The following INTS9 variants were observed in gnomAD, a reference collection of about 807,000 sequenced individuals.
INTS9 encodes the protein integrator complex subunit 9, also known as protein related to CPSF subunits of 74 kDa.
A neutral mutation model predicts 79.7 loss-of-function variants in INTS9; 55 were observed. The observed-to-expected ratio is 0.69, with a 90% confidence interval of 0.56 to 0.86. The LOEUF (loss-of-function observed/expected upper bound fraction) is 0.86. INTS9 is among the 40% of genes least tolerant of loss of function. The pLI is 0.00. For synonymous variants in INTS9, 319 were observed against 325.2 expected (o/e 0.98, Z 0.20); for missense variants, 721 against 831.5 (o/e 0.87, Z 1.64).
intron 2 of INTS9, among the ~76,000 whole-genome samples, chr8:28,855,246 A>G (rs1353085660): frequency 2.0e-5 from 3 of 152,256 alleles, no homozygotes; most frequent in African/African-American, 7.2e-5. Flanking sequence ...TATTTAATAG[A>G]AGGAAACAAA....
intron 4 of INTS9, among the ~76,000 whole-genome samples, chr8:28,839,538 C>G (rs569839589): frequency 2.0e-5 from 3 of 152,350 alleles, no homozygotes; most frequent in East Asian, 3.8e-4. Flanking sequence ...TGACTTCAAA[C>G]TATCCTACAA....
At chr8:28,804,501 T>C (rs1300488635) in intron 8 of INTS9, among the ~76,000 whole-genome samples, 2 of 140,848 alleles carry the variant, frequency 1.4e-5, no homozygotes, top group African/African-American at 5.2e-5. Flanking sequence ...GCCAGAACAG[T>C]GGGATGAAGG....
intron 1 of INTS9, among the ~76,000 whole-genome samples, chr8:28,886,412 T>C (rs1444905459): frequency 6.6e-6 from 1 of 152,040 alleles, no homozygotes; most frequent in Non-Finnish European, 1.5e-5. Flanking sequence ...GACGCTCAGC[T>C]AGTTTTTGTA....
At chr8:28,834,864 A>T (rs1806710629) in intron 6 of INTS9, among the ~76,000 whole-genome samples, 1 of 152,026 alleles carries the variant, frequency 6.6e-6, no homozygotes, top group South Asian at 2.1e-4. Flanking sequence ...TTTCATAGAG[A>T]CGGGGTTTCT....
chr8:28,812,067 C>T (rs538628207), intron 8 of INTS9, among the ~76,000 whole-genome samples: 34 of 152,342 alleles, frequency 2.2e-4, no homozygotes, highest in Middle Eastern at 3.4e-3. Context: ...GCATAACCAT[C>T]TGTGTCCCAC....
intron 1 of INTS9, among the ~76,000 whole-genome samples, chr8:28,864,721 C>A (rs913081106): frequency 6.6e-6 from 1 of 152,078 alleles, no homozygotes; most frequent in Non-Finnish European, 1.5e-5. Context: ...GATATGGAAT[C>A]CTGTTGTACA....
At chr8:28,860,402 C>T (rs564102697) in intron 1 of INTS9, among the ~76,000 whole-genome samples, 1 of 152,100 alleles carries the variant, frequency 6.6e-6, no homozygotes, top group South Asian at 2.1e-4. Flanking sequence ...ACTTTTAAAG[C>T]CCTCCCTTGA....
chr8:28,838,250 T>C (rs974025208), intron 4 of INTS9, among the ~76,000 whole-genome samples: 1 of 152,028 alleles, frequency 6.6e-6, no homozygotes, highest in Admixed American at 6.5e-5. Context: ...TTTTGCTTTT[T>C]TTTTTCTTTT....
chr8:28,883,106 A>C (rs576893130), intron 1 of INTS9, among the ~76,000 whole-genome samples: 1 of 152,052 alleles, frequency 6.6e-6, no homozygotes, highest in East Asian at 1.9e-4. Flanking sequence ...GCTTCCTCTC[A>C]CTGGCCTTCC....
At chr8:28,783,108 G>GTTTT (rs1803390301) in intron 11 of INTS9, among the ~76,000 whole-genome samples, 1 of 137,616 alleles carries the variant, frequency 7.3e-6, no homozygotes, top group East Asian at 2.3e-4. Flanking sequence ...TGGCGCCACT[G>GTTTT]CACTCCAGCC....
At chr8:28,881,237 G>A (rs1393012439) in intron 1 of INTS9, among the ~76,000 whole-genome samples, 9 of 149,462 alleles carry the variant, frequency 6.0e-5, no homozygotes, top group Admixed American at 6.0e-4. Flanking sequence ...CAGTCGCCCC[G>A]TCCAGGAGGG....
chr8:28,820,410 T>G (rs543546021), intron 6 of INTS9, among the ~76,000 whole-genome samples: 2 of 152,332 alleles, frequency 1.3e-5, no homozygotes, highest in South Asian at 4.1e-4. Context: ...TTTGGCTGGA[T>G]ATGAAATTCT....
intron 11 of INTS9, among the ~76,000 whole-genome samples, chr8:28,784,507 C>T (rs1803473039): frequency 6.6e-6 from 1 of 152,194 alleles, no homozygotes; most frequent in African/African-American, 2.4e-5. Flanking sequence ...TCTTCAAAAC[C>T]TTCTACTTGG....
intron 6 of INTS9, among the ~76,000 whole-genome samples, chr8:28,832,690 G>A (rs573770990): frequency 6.6e-6 from 1 of 152,314 alleles, no homozygotes; most frequent in East Asian, 1.9e-4. Context: ...CTGCCTGGGT[G>A]TGGTGGCTCA....
In INTS9 at chr8:28,814,238, C is replaced by T. The variant is rs141782670; in HGVS notation, c.489-626G>A. On this transcript the variant is annotated intron_variant, in intron 6 of 16. Coordinates refer to ENST00000521022, the MANE Select transcript of INTS9 (RefSeq NM_018250.4). ...GTACTGGGGTGAAATGAATGCATGCCATTAGCCTCTCCTCTCTCTCCTGAA... is the reference window on the plus strand; with the variant it reads ...GTACTGGGGTGAAATGAATGCATGCTATTAGCCTCTCCTCTCTCTCCTGAA... 6.5e-3 allele frequency among the ~76,000 whole-genome samples: 970 copies of T among 150,356 alleles called. 9 individuals carry two copies. Among genetic ancestry groups the T allele is most frequent in the Non-Finnish European group, 0.011 (757 of 67,732 alleles).
chr8:28,867,391 C>T (rs1428163873), intron 1 of INTS9, among the ~76,000 whole-genome samples: 5 of 151,880 alleles, frequency 3.3e-5, no homozygotes, highest in Non-Finnish European at 7.4e-5. Context: ...TGGACTCCAG[C>T]CTAGGTGACA....
chr8:28,784,261 G>A (rs1803459415), intron 11 of INTS9, among the ~76,000 whole-genome samples: 1 of 152,222 alleles, frequency 6.6e-6, no homozygotes, highest in African/African-American at 2.4e-5. Flanking sequence ...TTTGTGACAG[G>A]TGTGTGAGTG....
intron 1 of INTS9, among the ~76,000 whole-genome samples, chr8:28,889,510 C>A (rs1047142082): frequency 1.3e-5 from 2 of 152,144 alleles, no homozygotes; most frequent in Admixed American, 1.3e-4. Flanking sequence ...GATACTCAAG[C>A]GCCAATCGAA....
At chr8:28,775,713 C>G (rs531180984) in intron 14 of INTS9, 46 bp downstream of exon 14, 1 of 1,592,200 alleles carries the variant, frequency 6.3e-7, no homozygotes, top group Non-Finnish European at 8.6e-7. Flanking sequence ...CTCCAAGAGC[C>G]TCTGTGGAAA....
Sources: gnomAD v4.1 joint callset for allele counts (sites outside exome capture counted in the v4.1 genomes callset) on GRCh38, gnomAD v4.1.1 for gene constraint, MANE v1.5 for transcripts, NCBI Gene and HGNC (gene_info 2026-07-23, HGNC 2026-07-21) for gene names.